The following SEMA3A variants were observed in gnomAD, a reference collection of about 807,000 sequenced individuals.
SEMA3A encodes semaphorin-3A.
SEMA3A carries 29 observed loss-of-function variants against 97.9 expected under a neutral mutation model. The ratio of observed to expected loss-of-function variants is 0.30; its 90% CI spans 0.22 to 0.40. The LOEUF is 0.40. Ranked by LOEUF, SEMA3A falls within the 10% of genes least tolerant of loss-of-function variation. The pLI, the probability that SEMA3A is intolerant of heterozygous loss-of-function variation, is 1.00. For synonymous variants in SEMA3A, 321 were observed against 323.7 expected, an observed-to-expected ratio of 0.99 and a Z score of 0.09; for missense variants, 763 against 951.3, an observed-to-expected ratio of 0.80 and a Z score of 2.60.
chr7:84,106,081 T>A (rs1301755250), intron 4 of SEMA3A, among the ~76,000 whole-genome samples: 16 of 152,174 alleles, frequency 1.1e-4, no homozygotes, highest in Admixed American at 1.0e-3. Context: ...ATCAATGACA[T>A]ACTGTGTGTG....
intron 1 of SEMA3A, among the ~76,000 whole-genome samples, chr7:84,386,949 G>A (rs555253558): frequency 2.8e-4 from 43 of 152,142 alleles, no homozygotes; most frequent in Non-Finnish European, 5.0e-4. Context: ...GCAGTGAGCC[G>A]AGATCGCACC....
At chr7:84,104,593 T>G (rs1448531935) in intron 4 of SEMA3A, among the ~76,000 whole-genome samples, 1 of 152,196 alleles carries the variant, frequency 6.6e-6, no homozygotes, top group Non-Finnish European at 1.5e-5. Context: ...ATTAAGGGTG[T>G]GAAGGATGTT....
At chr7:84,083,816 G>A (rs7801091) in intron 4 of SEMA3A, among the ~76,000 whole-genome samples, 61,868 of 151,778 alleles carry the variant, frequency 0.41, 14,425 homozygotes, top group Non-Finnish European at 0.51. Flanking sequence ...GAAGTTAAGT[G>A]ACTATTCAAT....
At chr7:84,146,124 T>G (rs1383558981) in intron 1 of SEMA3A, among the ~76,000 whole-genome samples, 1 of 152,186 alleles carries the variant, frequency 6.6e-6, no homozygotes, top group Non-Finnish European at 1.5e-5. Flanking sequence ...GTGCTTTCAT[T>G]ATAACACACA....
intron 1 of SEMA3A, among the ~76,000 whole-genome samples, chr7:84,419,216 T>C (rs1562940481): frequency 6.6e-6 from 1 of 152,254 alleles, no homozygotes; most frequent in East Asian, 1.9e-4. Context: ...ATGTAGTCTA[T>C]ATCCCTAAGT....
intron 1 of SEMA3A, among the ~76,000 whole-genome samples, chr7:84,425,544 G>A (rs1288772436): frequency 7.1e-6 from 1 of 141,544 alleles, no homozygotes; most frequent in Non-Finnish European, 1.5e-5. Context: ...ATATTTATAT[G>A]AATATAAACA....
intron 1 of SEMA3A, among the ~76,000 whole-genome samples, chr7:84,390,339 ATT>A (rs1441815835): frequency 1.3e-4 from 9 of 71,180 alleles, no homozygotes; most frequent in African/African-American, 5.6e-4. Context: ...TTCAAGAATT[ATT>A]ATTATTATTA....
intron 3 of SEMA3A, among the ~76,000 whole-genome samples, chr7:84,265,392 T>C (rs1213082349): frequency 6.7e-6 from 1 of 149,804 alleles, no homozygotes; most frequent in Non-Finnish European, 1.5e-5. Flanking sequence ...CCACTGTAAC[T>C]GCGTTCTGCT....
chr7:84,061,627 G>A (rs370879709), intron 4 of SEMA3A, among the ~76,000 whole-genome samples: 100 of 151,912 alleles, frequency 6.6e-4, no homozygotes, highest in African/African-American at 2.3e-3. Flanking sequence ...TATATTAAAT[G>A]GTGTCCATTT....
chr7:84,439,673 G>T (rs535875862), intron 1 of SEMA3A, among the ~76,000 whole-genome samples: 1 of 152,104 alleles, frequency 6.6e-6, no homozygotes, highest in Non-Finnish European at 1.5e-5. Flanking sequence ...CTTGCTTAAG[G>T]AATTATTCAC....
intron 2 of SEMA3A, among the ~76,000 whole-genome samples, chr7:84,342,041 A>T (rs1421572960): frequency 1.4e-5 from 2 of 145,606 alleles, no homozygotes; most frequent in Non-Finnish European, 3.0e-5. Flanking sequence ...CTTGTCACTA[A>T]TTTTTTTTTT....
intron 3 of SEMA3A, among the ~76,000 whole-genome samples, chr7:84,225,716 A>G (rs765531407): frequency 6.6e-6 from 1 of 152,124 alleles, no homozygotes; most frequent in South Asian, 2.1e-4. Flanking sequence ...ACACTCACAC[A>G]GTATGTGCTC....
chr7:84,431,650 T>C (rs1380272814), intron 1 of SEMA3A, among the ~76,000 whole-genome samples: 3 of 151,806 alleles, frequency 2.0e-5, no homozygotes, highest in African/African-American at 7.3e-5. Flanking sequence ...CTACCTATAA[T>C]TGATAACATT....
intron 4 of SEMA3A, among the ~76,000 whole-genome samples, chr7:84,107,051 C>A (rs1213767827): frequency 1.3e-5 from 2 of 152,144 alleles, no homozygotes; most frequent in African/African-American, 4.8e-5. Flanking sequence ...AGTCCTTTAT[C>A]TGAAAAGTTG....
intron 13 of SEMA3A, 55 bp from the exon 14 acceptor site, chr7:83,981,533 G>C (rs558111586): frequency 2.9e-6 from 4 of 1,375,808 alleles, no homozygotes; most frequent in South Asian, 3.1e-5. Context: ...TAAATCTCTT[G>C]TTCTCTTAAA....
At chr7:84,093,390 G>C (rs1794655054) in intron 4 of SEMA3A, among the ~76,000 whole-genome samples, 1 of 152,126 alleles carries the variant, frequency 6.6e-6, no homozygotes, top group South Asian at 2.1e-4. Context: ...CATAATGGTA[G>C]ACTACAATAC....
At chr7:84,057,680 G>C (rs1203836134) in intron 5 of SEMA3A, among the ~76,000 whole-genome samples, 2 of 151,918 alleles carry the variant, frequency 1.3e-5, no homozygotes, top group Admixed American at 6.6e-5. Context: ...TAGGAGAATT[G>C]CTTGAACCCG....
intron 4 of SEMA3A, among the ~76,000 whole-genome samples, chr7:84,099,827 T>A (rs1342256781): frequency 1.3e-5 from 2 of 152,118 alleles, no homozygotes; most frequent in African/African-American, 4.8e-5. Flanking sequence ...ACTGAACTTT[T>A]GCTATAGCCT....
At chr7:84,279,228 T>G (rs1800379683) in intron 3 of SEMA3A, among the ~76,000 whole-genome samples, 1 of 152,030 alleles carries the variant, frequency 6.6e-6, no homozygotes, top group South Asian at 2.1e-4. Flanking sequence ...AACCTGGCAG[T>G]GACCAGGTTA....
Sources: gnomAD v4.1 joint callset for allele counts (sites outside exome capture counted in the v4.1 genomes callset) on GRCh38, gnomAD v4.1.1 for gene constraint, MANE v1.5 for transcripts, NCBI Gene and HGNC (gene_info 2026-07-23, HGNC 2026-07-21) for gene names.